The following SGCD variants were observed in gnomAD, a reference collection of about 807,000 sequenced individuals.
SGCD encodes the protein sarcoglycan delta.
In SGCD, 18 loss-of-function variants were observed where a neutral mutation model predicts 36.6. The observed-to-expected ratio is 0.49, with a 90% CI of 0.34 to 0.73. The LOEUF (loss-of-function observed/expected upper bound fraction) is 0.73. Among genes scored for constraint, SGCD ranks in the 30% least tolerant of loss-of-function variants. The probability of loss-of-function intolerance (pLI) is 0.01; values close to 1 mark genes in which losing one functional copy is unlikely to be tolerated. For missense variants in SGCD, 387 were observed against 346.7 expected, an observed-to-expected ratio of 1.12 and a Z score of -0.92; for synonymous variants, 133 against 130.6, an observed-to-expected ratio of 1.02 and a Z score of -0.12.
At chr5:155,901,468 C>T (rs1756388689) in intron 1 of SGCD, among the ~76,000 whole-genome samples, 3 of 151,994 alleles carry the variant, frequency 2.0e-5, no homozygotes, top group Admixed American at 6.6e-5. Flanking sequence ...GATGAGGGCC[C>T]CTCTGGAAGG....
intron 3 of SGCD, among the ~76,000 whole-genome samples, chr5:156,352,650 T>G (rs1239046556): frequency 6.6e-6 from 1 of 152,226 alleles, no homozygotes; most frequent in Non-Finnish European, 1.5e-5. Context: ...TGTTGTCACT[T>G]GTGATCATGT....
At chr5:156,451,733 TAGA>T (rs1160929218) in intron 3 of SGCD, among the ~76,000 whole-genome samples, 1 of 152,164 alleles carries the variant, frequency 6.6e-6, no homozygotes, top group Non-Finnish European at 1.5e-5. Flanking sequence ...TGATGTGCAG[TAGA>T]AGAATATCAA....
At chr5:156,107,627 G>T (rs1761678694) in intron 1 of SGCD, among the ~76,000 whole-genome samples, 1 of 152,050 alleles carries the variant, frequency 6.6e-6, no homozygotes, top group African/African-American at 2.4e-5. Context: ...CTTCCATGAA[G>T]CTCTCTGTTT....
At chr5:156,616,505 A>G (rs1762025059) in intron 6 of SGCD, among the ~76,000 whole-genome samples, 1 of 152,246 alleles carries the variant, frequency 6.6e-6, no homozygotes. Context: ...GGATGGTTGT[A>G]TATGAGACAG....
chr5:155,729,552 C>T, the SGCD span, among the ~76,000 whole-genome samples: 39 of 152,302 alleles, frequency 2.6e-4, no homozygotes, highest in Middle Eastern at 3.4e-3. Context: ...GCCCGATTGT[C>T]TTGATCCGCG....
At chr5:156,365,723 A>C (rs780881549) in intron 3 of SGCD, among the ~76,000 whole-genome samples, 2 of 152,162 alleles carry the variant, frequency 1.3e-5, no homozygotes, top group Non-Finnish European at 2.9e-5. Context: ...CATATATACA[A>C]TATATACATG....
intron 3 of SGCD, among the ~76,000 whole-genome samples, chr5:156,309,670 G>C (rs1204097747): frequency 7.0e-6 from 1 of 143,116 alleles, no homozygotes; most frequent in Non-Finnish European, 1.5e-5. Context: ...GCGTGATCTT[G>C]GCTCACGGGG....
At position 155,998,542 on chromosome 5, in the gene SGCD, T is replaced by C. The variant is rs1283438020; in HGVS notation, c.-281-119336T>C. 3.3e-5 allele frequency among the ~76,000 whole-genome samples: 5 copies of C among 152,282 alleles called. No homozygotes were observed. The East Asian group carries it at 7.7e-4, about 24-fold the overall frequency. ...ATGTGAAGAATTTTCATTGATGGCA[T>C]TGCCACAAACTGTGGTCCATTTATG... On this transcript the variant is annotated intron_variant, in intron 1 of 9. Coordinates refer to the SGCD transcript ENST00000517913.
At chr5:156,378,485 T>G (rs1346806355) in intron 3 of SGCD, among the ~76,000 whole-genome samples, 1 of 152,152 alleles carries the variant, frequency 6.6e-6, no homozygotes, top group Non-Finnish European at 1.5e-5. Context: ...GATGGTTAGT[T>G]TTATGTTGTG....
At chr5:156,406,043 G>C (rs1481302184) in intron 3 of SGCD, among the ~76,000 whole-genome samples, 1 of 77,798 alleles carries the variant, frequency 1.3e-5, no homozygotes, top group Admixed American at 1.4e-4. Flanking sequence ...AAGGCCTCTG[G>C]GCATAAATCC....
At chr5:155,844,437 G>GTGTGTGTGTGTGTGTGTT in the SGCD span, among the ~76,000 whole-genome samples, 95 of 151,828 alleles carry the variant, frequency 6.3e-4, no homozygotes, top group African/African-American at 2.1e-3. Flanking sequence ...GTGTGTGTGT[G>GTGTGTGTGTGTGTGTGTT]TGTGTGTGTG....
chr5:155,762,332 C>T, the SGCD span, among the ~76,000 whole-genome samples: 1 of 152,114 alleles, frequency 6.6e-6, no homozygotes, highest in African/African-American at 2.4e-5. Context: ...ATGGTTAATG[C>T]ATCTTATAGT....
chr5:156,292,325 G>A (rs1329910587), intron 3 of SGCD, among the ~76,000 whole-genome samples: 1 of 151,874 alleles, frequency 6.6e-6, no homozygotes, highest in Non-Finnish European at 1.5e-5. Context: ...ACTTTTTATC[G>A]CTATAATTTT....
chr5:155,763,339 T>C, the SGCD span, among the ~76,000 whole-genome samples: 21 of 152,286 alleles, frequency 1.4e-4, 1 homozygote, highest in East Asian at 3.9e-3. Context: ...GGAGTACCAA[T>C]TGAAGAATAA....
chr5:156,445,927 G>A (rs1380515576), intron 3 of SGCD, among the ~76,000 whole-genome samples: 1 of 152,124 alleles, frequency 6.6e-6, no homozygotes, highest in African/African-American at 2.4e-5. Context: ...AGGGGAATAT[G>A]TACTATGTAA....
In SGCD at chr5:156,083,552, C is replaced by T. The variant is rs1761017839; in HGVS notation, c.-281-34326C>T. ...TCAGGTGATCTGCCCGCCTCAACATCCCAAAGTGCTGGAATTACAGGTATG... is the reference window on the plus strand; with the variant it reads ...TCAGGTGATCTGCCCGCCTCAACATTCCAAAGTGCTGGAATTACAGGTATG... On this transcript the variant is annotated intron_variant, in intron 1 of 9. Coordinates refer to the SGCD transcript ENST00000517913. 3.3e-5 allele frequency among the ~76,000 whole-genome samples: 5 copies of T among 151,316 alleles called. No homozygotes were observed. The South Asian group carries it at 1.0e-3, about 32-fold the overall frequency.
chr5:155,915,468 C>T (rs1171562898), intron 1 of SGCD, among the ~76,000 whole-genome samples: 1 of 151,900 alleles, frequency 6.6e-6, no homozygotes, highest in Non-Finnish European at 1.5e-5. Context: ...GACATAGGGC[C>T]TAGAAGAAAA....
intron 1 of SGCD, among the ~76,000 whole-genome samples, chr5:156,111,477 G>A (rs1424500810): frequency 1.3e-5 from 2 of 152,178 alleles, no homozygotes; most frequent in African/African-American, 2.4e-5. Flanking sequence ...CATCTATAAG[G>A]TAGACAATGG....
At chr5:156,593,393 CACAA>C (rs1317330680) in intron 5 of SGCD, among the ~76,000 whole-genome samples, 1 of 152,088 alleles carries the variant, frequency 6.6e-6, no homozygotes, top group African/African-American at 2.4e-5. Context: ...GACAAAACAA[CACAA>C]ACACACAAAC....
Sources: gnomAD v4.1 joint callset for allele counts (sites outside exome capture counted in the v4.1 genomes callset) on GRCh38, gnomAD v4.1.1 for gene constraint, MANE v1.5 for transcripts, NCBI Gene and HGNC (gene_info 2026-07-23, HGNC 2026-07-21) for gene names.